Variants in HOOK2 observed in about 807,000 individuals in gnomAD.
HOOK2 encodes the protein protein Hook homolog 2.
HOOK2 carries 108 observed loss-of-function variants against 111.9 expected under a neutral mutation model. That is an observed-to-expected ratio of 0.96 (90% CI 0.83 to 1.13). The LOEUF (loss-of-function observed/expected upper bound fraction) is 1.13. Ranked by LOEUF, HOOK2 falls within the 50% of genes most tolerant of loss-of-function variation. The pLI is 0.00. For missense variants in HOOK2, 978 were observed against 951.3 expected (o/e 1.03, Z -0.37); for synonymous variants, 405 against 394.3 (o/e 1.03, Z -0.32).
intron 10 of HOOK2, 99 bp downstream of exon 10, chr19:12,770,833 A>G: frequency 2.1e-6 from 3 of 1,429,784 alleles, no homozygotes; most frequent in Non-Finnish European, 2.9e-6. Context: ...TTCACTGGGC[A>G]CATGAAAATT....
chr19:12,788,689 G>A (rs1968677451), intron 3 of HOOK2, among the ~76,000 whole-genome samples: 1 of 151,744 alleles, frequency 6.6e-6, no homozygotes, highest in Non-Finnish European at 1.5e-5. Flanking sequence ...AGCTTCCCAA[G>A]GTGCTGCCCT....
rs1043914134 is a variant in HOOK2 at position 12,769,844 on chromosome 19, G to A, written c.1104+37C>T. On this transcript the variant is annotated intron_variant, in intron 11 of 22. Transcript: ENST00000397668. Reference sequence around the variant, plus strand: ...CCAACGGTGAGAGACTTGCTGCCAGGGGCGGGGCCCCGGCCCTAACCCCGC... The same window carrying A: ...CCAACGGTGAGAGACTTGCTGCCAGAGGCGGGGCCCCGGCCCTAACCCCGC... The A allele has an allele frequency of 4.4e-6, 6 of 1,374,426 alleles. No individual in the cohort carries two copies. In the East Asian group the frequency reaches 1.8e-4, roughly 42 times the overall value. 85.1% of individuals were successfully genotyped at this position (1,374,426 alleles called of 1,614,324 possible).
chr19:12,778,051 C>T (rs1968559485), upstream of HOOK2, among the ~76,000 whole-genome samples: 1 of 152,218 alleles, frequency 6.6e-6, no homozygotes, highest in Admixed American at 6.5e-5. Flanking sequence ...CAGGCTCGCG[C>T]CCTGTGACCC....
At chr19:12,774,570 G>A (rs772053038) in intron 3 of HOOK2, 99 bp downstream of exon 3, 1 of 1,102,978 alleles carries the variant, frequency 9.1e-7, no homozygotes. Flanking sequence ...CCAGACATCT[G>A]TCCCTCTTCC....
At chr19:12,778,593 A>C (rs553129277), upstream of HOOK2, 5 of 152,320 alleles carry the variant, frequency 3.3e-5, no homozygotes, top group South Asian at 1.0e-3. Flanking sequence ...CCCAGGTAGC[A>C]ATGGGAGGTG....
chr19:12,766,081 A>G lies in HOOK2; in HGVS notation c.1511+22T>C, dbSNP rs112382697. On this transcript the variant is annotated intron_variant, in intron 15 of 22. Coordinates refer to ENST00000397668, the MANE Select transcript of HOOK2 (RefSeq NM_013312.3). The stretch of plus-strand genomic sequence containing the variant: ...GGCCCCCTCTGTCCCTGCTCCGCGC[A>G]GGTAGGTCCCCAGGCGCTCACCGGT... 14,776 of 1,602,878 alleles carry G rather than the reference A, an allele frequency of 9.2e-3. 1,240 individuals are homozygous for G. The African/African-American group carries it at 0.18, about 19-fold the overall frequency.
chr19:12,789,676 G>A (rs1485995857), intron 3 of HOOK2, among the ~76,000 whole-genome samples: 2 of 151,598 alleles, frequency 1.3e-5, no homozygotes, highest in East Asian at 1.9e-4. Flanking sequence ...CGCCCCGTCG[G>A]GCCGGGGGCG....
At chr19:12,788,803 G>T (rs1305517326) in intron 3 of HOOK2, among the ~76,000 whole-genome samples, 1 of 152,206 alleles carries the variant, frequency 6.6e-6, no homozygotes, top group Non-Finnish European at 1.5e-5. Context: ...GGAGACACAG[G>T]CCTGGCAGTG....
chr19:12,784,869 T>C (rs1375641283), intron 3 of HOOK2: 2 of 152,050 alleles, frequency 1.3e-5, no homozygotes, highest in Non-Finnish European at 2.9e-5. Context: ...GTGTTCACAG[T>C]ATGGCAGAGA....
At chr19:12,767,331 C>A (rs951029656) in intron 14 of HOOK2, 64 bp downstream of exon 14, 50 of 1,360,654 alleles carry the variant, frequency 3.7e-5, no homozygotes, top group Non-Finnish European at 4.6e-5. Flanking sequence ...AGGGCGGGAG[C>A]GGGGCTGAGG....
chr19:12,772,950 C>G (rs748399843), intron 4 of HOOK2, 38 bp from the exon 5 acceptor site: 22 of 1,614,056 alleles, frequency 1.4e-5, no homozygotes, highest in South Asian at 2.2e-5. Context: ...ATGGGCCCAC[C>G]CTTCTCCCAA....
At position 12,766,178 on chromosome 19, in the gene HOOK2, C is replaced by G. The variant is rs199712830; in HGVS notation, c.1436G>C (p.Arg479Pro). 2 of 1,597,626 alleles carry G rather than the reference C, an allele frequency of 1.3e-6. No homozygotes were observed. Among genetic ancestry groups the G allele is most frequent in the South Asian group, 1.1e-5 (1 of 90,722 alleles). ...KRLCRQEAAD[R>P]ERQEELQRHL... ...GCGCTGCAGCTCCTCCTGCCGCTCC[C>G]GGTCGGCCGCCTCCTGCCTGCACAG... The change falls in exon 15 of 23, where the codon CGG becomes CCG. Residue 479 changes from arginine (R) to proline (P), a missense_variant. Around this residue, in one of 5 missense-constraint regions of HOOK2, gnomAD observed 388 missense variants for 358.3 expected, o/e 1.08. Coordinates refer to ENST00000397668, the MANE Select transcript of HOOK2 (RefSeq NM_013312.3).
chr19:12,771,009 C>T lies in HOOK2; in HGVS notation c.825G>A (p.Glu275=). The change falls in exon 10 of 23, where the codon GAG becomes GAA. Residue 275 remains glutamate, a synonymous_variant. Transcript: ENST00000397668. ...RCAELEREVA[E]LQHRNQALTS... is the part of the protein sequence containing the mutation. ...TCAGCGCCTGGTTCCGGTGCTGCAG[C>T]TCCGCAACCTCCCTCTCCAGCTCGG... The T allele has an allele frequency of 6.2e-7, 1 of 1,612,884 alleles. No individual in the cohort carries two copies. The highest frequency in any genetic ancestry group is 8.5e-7 in the Non-Finnish European group (1 of 1,179,694).
Position 12,791,124 on chromosome 19 carries a change from C to T in HOOK2, n.42-16899G>A, listed in dbSNP as rs992188992. ...TGGGTACCTCAGGGGTTTCTTCGCA[C>T]ATACTGGGACCCTCACCCCACTTGC... is the stretch of plus-strand genomic sequence containing the variant. On this transcript the variant is annotated intron_variant and non_coding_transcript_variant, in intron 3 of 3. Transcript: ENST00000589765. This position sits in a 1 kb window ranked among gnomAD's most constrained non-coding sequence, Gnocchi z 7.0. 6.6e-6 allele frequency among the ~76,000 whole-genome samples: 1 copy of T among 152,226 alleles called. No individual in the cohort carries two copies. Among genetic ancestry groups the T allele is most frequent in the Non-Finnish European group, 1.5e-5 (1 of 68,038 alleles).
At chr19:12,789,948 C>T (rs1385427674) in intron 3 of HOOK2, among the ~76,000 whole-genome samples, 1 of 152,164 alleles carries the variant, frequency 6.6e-6, no homozygotes, top group Non-Finnish European at 1.5e-5. Context: ...CTTCCTGTGC[C>T]CTAATATGGG....
rs759599949 is a variant in HOOK2, at chr19:12,767,450, G to A, written c.1318C>T (p.Pro440Ser). The A allele has an allele frequency of 1.2e-5, 20 of 1,613,844 alleles. No individual in the cohort carries two copies. Among genetic ancestry groups the A allele is most frequent in the Non-Finnish European group, 1.7e-5 (20 of 1,179,890 alleles). The change falls in exon 14 of 23, where the codon CCC becomes TCC. Residue 440 changes from proline to serine, a missense_variant. By Grantham distance (74) the Pro-to-Ser change is moderately conservative. Coordinates refer to ENST00000397668, the MANE Select transcript of HOOK2 (RefSeq NM_013312.3). Reference sequence around the variant, plus strand: ...AAGTTATCCACGGGTGTGGAGGTGGGATCCAGTGAGGGATCTGAAGAATGC... The same window carrying A: ...AAGTTATCCACGGGTGTGGAGGTGGAATCCAGTGAGGGATCTGAAGAATGC... ...GLTQADPSLD[P>S]TSTPVDNLAA...
In HOOK2 at chr19:12,767,869, G is replaced by A; in HGVS notation, c.1250C>T (p.Ala417Val). 1 of 1,608,110 alleles carries A rather than the reference G, an allele frequency of 6.2e-7. No individual in the cohort carries two copies. Among genetic ancestry groups the A allele is most frequent in the East Asian group, 2.2e-5 (1 of 44,878 alleles). Residue 417 changes from alanine (A) to valine (V), a missense_variant, in exon 13 of 23, where the codon GCC (alanine) becomes GTC (valine). By Grantham distance (64) the Ala-to-Val change is moderately conservative (BLOSUM62 0). Transcript: ENST00000397668. ...LLAERDSLRE[A>V]NEELRCAQLQ... Reference sequence around the variant, plus strand: ...CTGGGCGCAGCGCAGCTCCTCATTGGCCTCCCGCAAGGAGTCCCGCTCCGC... The same window carrying A: ...CTGGGCGCAGCGCAGCTCCTCATTGACCTCCCGCAAGGAGTCCCGCTCCGC...
intron 17 of HOOK2, 32 bp downstream of exon 17, chr19:12,765,797 A>AG: frequency 2.5e-6 from 4 of 1,613,832 alleles, no homozygotes; most frequent in Non-Finnish European, 3.4e-6. Context: ...GGGTGAGGGT[A>AG]GGGGGTGCCA....
intron 6 of HOOK2, 50 bp downstream of exon 6, chr19:12,772,563 T>C: frequency 6.3e-7 from 1 of 1,590,796 alleles, no homozygotes; most frequent in Non-Finnish European, 8.6e-7. Flanking sequence ...GCCCTAGAGA[T>C]GTCCCCTCTC....
Sources: allele counts gnomAD v4.1 joint callset (sites outside exome capture counted in the v4.1 genomes callset), GRCh38; gene constraint gnomAD v4.1.1; regional missense constraint gnomAD v4.1.1; non-coding constraint Gnocchi (gnomAD v3.1); transcripts MANE v1.5; gene names NCBI Gene and HGNC (gene_info 2026-07-23, HGNC 2026-07-21).